FHIT: variants seen among roughly 807,000 people sequenced by gnomAD.
FHIT encodes fragile histidine triad diadenosine triphosphatase, also known as bis(5'-adenosyl)-triphosphatase.
In FHIT, 19 loss-of-function variants were observed where a neutral mutation model predicts 17.9. That is an observed-to-expected ratio of 1.06 (90% CI 0.74 to 1.56). FHIT has a LOEUF of 1.56. Among genes scored for constraint, FHIT ranks in the 40% most tolerant of loss-of-function variants. The probability of loss-of-function intolerance (pLI) is 0.00; values close to 1 mark genes in which losing one functional copy is unlikely to be tolerated. For missense variants in FHIT, 248 were observed against 189.2 expected, an observed-to-expected ratio of 1.31 and a Z score of -1.82; for synonymous variants, 81 against 69.7, an observed-to-expected ratio of 1.16 and a Z score of -0.81.
chr3:61,026,923 T>C (rs976986194), intron 3 of FHIT, among the ~76,000 whole-genome samples: 1 of 152,220 alleles, frequency 6.6e-6, no homozygotes, highest in Non-Finnish European at 1.5e-5. Flanking sequence ...GCTGCCTCCC[T>C]GAGGCTTACC....
intron 7 of FHIT, among the ~76,000 whole-genome samples, chr3:59,961,663 G>A (rs2107347169): frequency 6.6e-6 from 1 of 152,256 alleles, no homozygotes; most frequent in Non-Finnish European, 1.5e-5. Context: ...TTGGCTAGGG[G>A]AGGGAGTTCC....
At chr3:59,817,473 A>C (rs1274142491) in intron 8 of FHIT, among the ~76,000 whole-genome samples, 1 of 149,934 alleles carries the variant, frequency 6.7e-6, no homozygotes, top group African/African-American at 2.4e-5. Context: ...CTGAGGCAGG[A>C]TCACTTGAGG....
At chr3:60,598,121 G>A (rs1205262271) in intron 4 of FHIT, among the ~76,000 whole-genome samples, 2 of 152,148 alleles carry the variant, frequency 1.3e-5, no homozygotes, top group East Asian at 3.8e-4. Flanking sequence ...TTAGATAGCA[G>A]CAATTTAATT....
chr3:61,145,908 G>A (rs2037213810), intron 2 of FHIT, among the ~76,000 whole-genome samples: 1 of 151,898 alleles, frequency 6.6e-6, no homozygotes. Context: ...TAGTTTTTTA[G>A]TGAATTTGCC....
intron 7 of FHIT, among the ~76,000 whole-genome samples, chr3:59,963,841 G>A (rs1480935081): frequency 6.6e-6 from 1 of 152,146 alleles, no homozygotes; most frequent in Non-Finnish European, 1.5e-5. Context: ...AAGTTTCCAT[G>A]GGGACATAGG....
intron 8 of FHIT, among the ~76,000 whole-genome samples, chr3:59,756,090 T>C (rs1701203863): frequency 6.6e-6 from 1 of 152,130 alleles, no homozygotes; most frequent in African/African-American, 2.4e-5. Flanking sequence ...ATTAGCATTA[T>C]TTTTAGGCTA....
intron 3 of FHIT, among the ~76,000 whole-genome samples, chr3:60,897,738 C>A (rs1329040988): frequency 6.6e-6 from 1 of 152,112 alleles, no homozygotes; most frequent in Non-Finnish European, 1.5e-5. Flanking sequence ...TTTCCCTAAC[C>A]CCAGGTTTCC....
intron 7 of FHIT, among the ~76,000 whole-genome samples, chr3:59,999,242 T>G (rs1409476271): frequency 6.6e-6 from 1 of 152,092 alleles, no homozygotes; most frequent in Non-Finnish European, 1.5e-5. Context: ...TACACATACT[T>G]TACTGTGAAA....
intron 8 of FHIT, among the ~76,000 whole-genome samples, chr3:59,851,359 G>A (rs1169583454): frequency 2.0e-5 from 3 of 152,204 alleles, no homozygotes; most frequent in Non-Finnish European, 4.4e-5. Flanking sequence ...TTTCTTATGT[G>A]CCAGACCTAT....
At chr3:60,543,660 T>C (rs749281396) in intron 4 of FHIT, among the ~76,000 whole-genome samples, 1 of 152,200 alleles carries the variant, frequency 6.6e-6, no homozygotes, top group Non-Finnish European at 1.5e-5. Context: ...CAGAAAGCTA[T>C]TGATTTTTCT....
At chr3:61,094,121 CAA>C (rs1162705344) in intron 2 of FHIT, among the ~76,000 whole-genome samples, 16 of 121,386 alleles carry the variant, frequency 1.3e-4, no homozygotes, top group Non-Finnish European at 1.9e-4. Context: ...TGAATGCAAC[CAA>C]GTGTGTGTGT....
intron 3 of FHIT, among the ~76,000 whole-genome samples, chr3:60,871,575 G>A (rs1267789077): frequency 6.6e-6 from 1 of 152,112 alleles, no homozygotes; most frequent in African/African-American, 2.4e-5. Flanking sequence ...AAATAAGGAA[G>A]GGGCCCAGGA....
intron 5 of FHIT, among the ~76,000 whole-genome samples, chr3:60,119,824 A>C (rs1399964160): frequency 6.6e-6 from 1 of 152,160 alleles, no homozygotes; most frequent in African/African-American, 2.4e-5. Context: ...CAGAGCTGTC[A>C]CATTTATCCT....
chr3:60,535,348 C>A (rs2035943795), intron 5 of FHIT, among the ~76,000 whole-genome samples: 1 of 152,118 alleles, frequency 6.6e-6, no homozygotes, highest in Non-Finnish European at 1.5e-5. Context: ...CCCTTTATTT[C>A]TTTTCTAAAA....
chr3:59,871,705 G>A lies in FHIT; in HGVS notation c.348+50641C>T, dbSNP rs147633511. On this transcript the variant is annotated intron_variant, in intron 8 of 9. Transcript: ENST00000492590. ...CTTTGAGAGATTAGCAATGTCTGCCGGGTAAGACCAGATACACTGGATACC... is the reference window on the plus strand; with the variant it reads ...CTTTGAGAGATTAGCAATGTCTGCCAGGTAAGACCAGATACACTGGATACC... Among the ~76,000 whole-genome samples the A allele has an allele frequency of 3.2e-3, 482 of 152,266 alleles. 10 individuals carry two copies. The East Asian group carries it at 0.036, about 11-fold the overall frequency.
At chr3:60,571,621 T>G (rs891978395) in intron 4 of FHIT, among the ~76,000 whole-genome samples, 3 of 151,992 alleles carry the variant, frequency 2.0e-5, no homozygotes, top group Non-Finnish European at 2.9e-5. Context: ...TTTCTCTAAG[T>G]GTAGAGTCAG....
At chr3:60,478,263 C>G (rs1347449152) in intron 5 of FHIT, among the ~76,000 whole-genome samples, 1 of 152,168 alleles carries the variant, frequency 6.6e-6, no homozygotes, top group Non-Finnish European at 1.5e-5. Flanking sequence ...AGGAATTAAC[C>G]TCAGGCAGTG....
In FHIT at chr3:60,434,964, T is replaced by C. The variant is rs528875425; in HGVS notation, c.103+101896A>G. On this transcript the variant is annotated intron_variant, in intron 5 of 9. Coordinates refer to ENST00000492590, the MANE Select transcript of FHIT (RefSeq NM_002012.4). The stretch of plus-strand genomic sequence containing the variant: ...TTGTAACAGTGTTTTTTCTCCACTG[T>C]GGCATGTATCAAAGATCTTCTTTTT... Among the ~76,000 whole-genome samples the C allele has an allele frequency of 2.6e-5, 4 of 152,294 alleles. No individual in the cohort carries two copies. The East Asian group carries it at 5.8e-4, about 22-fold the overall frequency.
intron 5 of FHIT, among the ~76,000 whole-genome samples, chr3:60,053,540 G>C (rs1032448100): frequency 2.0e-5 from 3 of 151,830 alleles, no homozygotes; most frequent in East Asian, 1.9e-4. Flanking sequence ...CCTTCAGAGA[G>C]AAAGAGCCAC....
Sources: allele counts gnomAD v4.1 joint callset (sites outside exome capture counted in the v4.1 genomes callset), GRCh38; gene constraint gnomAD v4.1.1; transcripts MANE v1.5; gene names NCBI Gene and HGNC (gene_info 2026-07-23, HGNC 2026-07-21).